SLC24A2: variants seen among roughly 807,000 people sequenced by gnomAD.
SLC24A2 encodes the protein sodium/potassium/calcium exchanger 2.
SLC24A2 carries 36 observed loss-of-function variants against 62.0 expected under a neutral mutation model. The observed-to-expected ratio is 0.58, with a 90% CI of 0.44 to 0.77. SLC24A2 has a LOEUF of 0.77. SLC24A2 is among the 30% of genes least tolerant of loss of function. The probability of loss-of-function intolerance (pLI) is 0.00; values close to 1 mark genes in which losing one functional copy is unlikely to be tolerated. For synonymous variants in SLC24A2, 358 were observed against 294.0 expected (o/e 1.22, Z -2.23); for missense variants, 846 against 817.9 (o/e 1.03, Z -0.42).
the SLC24A2 span, among the ~76,000 whole-genome samples, chr9:20,055,415 C>T: frequency 6.6e-6 from 1 of 152,106 alleles, no homozygotes; most frequent in East Asian, 1.9e-4. Context: ...TCCAAATCAT[C>T]TTATAAATAT....
intron 5 of SLC24A2, among the ~76,000 whole-genome samples, chr9:19,593,679 A>G (rs1836622069): frequency 6.6e-6 from 1 of 152,044 alleles, no homozygotes; most frequent in South Asian, 2.1e-4. Flanking sequence ...CCCACTCCCT[A>G]TGCTGTAGCC....
chr9:19,537,286 G>A (rs1016689969), intron 8 of SLC24A2, among the ~76,000 whole-genome samples: 1 of 136,950 alleles, frequency 7.3e-6, no homozygotes, highest in African/African-American at 2.8e-5. Context: ...CCATGCCTAT[G>A]TCCTGAATGG....
At chr9:19,770,200 T>C (rs35575881) in intron 2 of SLC24A2, among the ~76,000 whole-genome samples, 5,434 of 151,910 alleles carry the variant, frequency 0.036, 134 homozygotes, top group East Asian at 0.098. Context: ...TATGACTAAG[T>C]GCCTGGAATT....
chr9:20,164,431 G>T, the SLC24A2 span, among the ~76,000 whole-genome samples: 2 of 152,118 alleles, frequency 1.3e-5, no homozygotes, highest in Admixed American at 1.3e-4. Flanking sequence ...AAACCACGAT[G>T]AGATACCATC....
At chr9:19,733,638 A>T (rs1485421221) in intron 2 of SLC24A2, among the ~76,000 whole-genome samples, 2 of 152,302 alleles carry the variant, frequency 1.3e-5, no homozygotes, top group East Asian at 3.9e-4. Flanking sequence ...TTCTGGAGTG[A>T]TCCTGGTATC....
the SLC24A2 span, among the ~76,000 whole-genome samples, chr9:20,270,213 C>T: frequency 0.66 from 100,265 of 152,092 alleles, 35,548 homozygotes; most frequent in East Asian, 0.96. Context: ...CAGCTTCCAC[C>T]AGGCTTCACT....
the SLC24A2 span, among the ~76,000 whole-genome samples, chr9:20,226,642 G>C: frequency 6.6e-6 from 1 of 151,946 alleles, no homozygotes; most frequent in Non-Finnish European, 1.5e-5. Flanking sequence ...ATATAGACCT[G>C]ACATGAAGCT....
chr9:20,162,354 A>G, the SLC24A2 span, among the ~76,000 whole-genome samples: 3 of 151,808 alleles, frequency 2.0e-5, no homozygotes, highest in South Asian at 6.2e-4. Flanking sequence ...AAATTTACCA[A>G]AAAAAGTTCT....
chr9:19,962,211 C>G, the SLC24A2 span, among the ~76,000 whole-genome samples: 1 of 152,122 alleles, frequency 6.6e-6, no homozygotes, highest in Admixed American at 6.5e-5. Flanking sequence ...CTGTTCTGTT[C>G]CATTGATCTA....
At chr9:20,220,403 C>T in the SLC24A2 span, among the ~76,000 whole-genome samples, 18,023 of 152,130 alleles carry the variant, frequency 0.12, 2,297 homozygotes, top group East Asian at 0.61. Flanking sequence ...TTGAGCTTTC[C>T]TCTTATTCTC....
upstream of SLC24A2, among the ~76,000 whole-genome samples, chr9:19,790,815 A>G (rs1404053210): frequency 1.3e-5 from 2 of 152,158 alleles, no homozygotes; most frequent in African/African-American, 4.8e-5. Context: ...CCCTGAGGCA[A>G]TAGGTGCCTC....
At chr9:19,827,174 G>A in the SLC24A2 span, among the ~76,000 whole-genome samples, 1 of 152,162 alleles carries the variant, frequency 6.6e-6, no homozygotes, top group Non-Finnish European at 1.5e-5. Flanking sequence ...GAGGAGTCAT[G>A]TGGGTCATGT....
the SLC24A2 span, among the ~76,000 whole-genome samples, chr9:20,144,076 T>C: frequency 6.6e-6 from 1 of 152,170 alleles, no homozygotes. Flanking sequence ...GCAAATGGCT[T>C]GGTGGCCACT....
the SLC24A2 span, among the ~76,000 whole-genome samples, chr9:20,065,065 T>C: frequency 5.9e-5 from 9 of 152,230 alleles, no homozygotes; most frequent in African/African-American, 9.6e-5. Flanking sequence ...GCTGGAGACA[T>C]GTGTTTGTAT....
chr9:19,525,529 G>A (rs1364203745), intron 9 of SLC24A2, among the ~76,000 whole-genome samples: 4 of 149,826 alleles, frequency 2.7e-5, no homozygotes, highest in Non-Finnish European at 4.4e-5. Flanking sequence ...TCAACCTCCC[G>A]AGTAGCTGGG....
intron 7 of SLC24A2, among the ~76,000 whole-genome samples, chr9:19,572,389 C>T (rs1340657670): frequency 2.6e-5 from 4 of 151,976 alleles, no homozygotes; most frequent in African/African-American, 7.3e-5. Flanking sequence ...AAATTGTAAT[C>T]CCCATATGTT....
the SLC24A2 span, among the ~76,000 whole-genome samples, chr9:19,992,106 G>A: frequency 6.6e-6 from 1 of 152,200 alleles, no homozygotes; most frequent in Non-Finnish European, 1.5e-5. Flanking sequence ...AAAGGGGCAT[G>A]TTATCATACA....
chr9:19,758,611 A>C (rs1285581852), intron 2 of SLC24A2, among the ~76,000 whole-genome samples: 1 of 152,212 alleles, frequency 6.6e-6, no homozygotes, highest in African/African-American at 2.4e-5. Context: ...ACAAGAGATC[A>C]AGGTTTCCTT....
intron 9 of SLC24A2, among the ~76,000 whole-genome samples, chr9:19,525,118 T>G (rs1216457923): frequency 6.6e-6 from 1 of 152,092 alleles, no homozygotes; most frequent in East Asian, 1.9e-4. Context: ...AAATAATGAC[T>G]CCAAGGCACA....
Sources: gnomAD v4.1 joint callset for allele counts (sites outside exome capture counted in the v4.1 genomes callset) on GRCh38, gnomAD v4.1.1 for gene constraint, MANE v1.5 for transcripts, NCBI Gene and HGNC (gene_info 2026-07-23, HGNC 2026-07-21) for gene names.